PDE1A: variants seen among roughly 807,000 people sequenced by gnomAD.
PDE1A encodes phosphodiesterase 1A.
PDE1A carries 35 observed loss-of-function variants against 61.7 expected under a neutral mutation model. The ratio of observed to expected loss-of-function variants is 0.57; its 90% CI spans 0.43 to 0.75. The LOEUF is 0.75. Among genes scored for constraint, PDE1A ranks in the 30% least tolerant of loss-of-function variants. The pLI, the probability that PDE1A is intolerant of heterozygous loss-of-function variation, is 0.00. For synonymous variants in PDE1A, 232 were observed against 213.2 expected, an observed-to-expected ratio of 1.09 and a Z score of -0.77; for missense variants, 597 against 630.6, an observed-to-expected ratio of 0.95 and a Z score of 0.57.
chr2:182,383,601 A>G (rs551305506), intron 1 of PDE1A, among the ~76,000 whole-genome samples: 2 of 152,350 alleles, frequency 1.3e-5, no homozygotes, highest in East Asian at 3.9e-4. Flanking sequence ...AGGTAGGCAG[A>G]GCAAGATGGC....
chr2:182,658,616 C>A, the PDE1A span, among the ~76,000 whole-genome samples: 1 of 152,130 alleles, frequency 6.6e-6, no homozygotes, highest in African/African-American at 2.4e-5. Context: ...GAGAGACTAA[C>A]CCAAGTAAAG....
chr2:182,459,970 C>A (rs1322018782), intron 2 of PDE1A, among the ~76,000 whole-genome samples: 2 of 152,124 alleles, frequency 1.3e-5, no homozygotes, highest in African/African-American at 4.8e-5. Flanking sequence ...AAATAATCCA[C>A]TTCTTAGCCA....
chr2:182,550,772 G>A, the PDE1A span, among the ~76,000 whole-genome samples: 10 of 152,152 alleles, frequency 6.6e-5, no homozygotes, highest in Non-Finnish European at 7.4e-5. Context: ...CTGGAATCCA[G>A]AATTGTTTCC....
intron 1 of PDE1A, among the ~76,000 whole-genome samples, chr2:182,319,082 T>C (rs1696537934): frequency 6.6e-6 from 1 of 152,182 alleles, no homozygotes; most frequent in Non-Finnish European, 1.5e-5. Flanking sequence ...GTATTGATTT[T>C]CCCATTTCGG....
At chr2:182,223,929 G>C (rs1688937243) in exon 7 of PDE1A, 2 of 1,606,248 alleles carry the variant, frequency 1.2e-6, no homozygotes, top group Non-Finnish European at 1.7e-6. Context: ...CAGCAGCAAA[G>C]ACCATTGCTA....
chr2:182,637,312 C>T, the PDE1A span, among the ~76,000 whole-genome samples: 2 of 152,166 alleles, frequency 1.3e-5, no homozygotes, highest in Non-Finnish European at 2.9e-5. Context: ...CCTAGTTCTA[C>T]CCTTTGGCAG....
At chr2:182,446,517 C>T (rs769680111) in intron 2 of PDE1A, among the ~76,000 whole-genome samples, 2 of 152,054 alleles carry the variant, frequency 1.3e-5, no homozygotes, top group African/African-American at 2.4e-5. Flanking sequence ...ACTAAGTATT[C>T]TGTGTCTAAA....
chr2:182,458,702 C>T (rs1353835346), intron 2 of PDE1A, among the ~76,000 whole-genome samples: 1 of 152,048 alleles, frequency 6.6e-6, no homozygotes, highest in Non-Finnish European at 1.5e-5. Context: ...ATTTTATCAC[C>T]CTGCCTCTGA....
intron 2 of PDE1A, among the ~76,000 whole-genome samples, chr2:182,522,008 C>T (rs1193828448): frequency 2.6e-5 from 4 of 152,058 alleles, no homozygotes; most frequent in South Asian, 2.1e-4. Context: ...AACCACATAT[C>T]TAAACAGCAC....
intron 2 of PDE1A, among the ~76,000 whole-genome samples, chr2:182,246,085 A>G (rs1031262095): frequency 6.6e-6 from 1 of 152,200 alleles, no homozygotes; most frequent in African/African-American, 2.4e-5. Flanking sequence ...AAGTCAGACC[A>G]CAATGCCTTA....
chr2:182,186,103 C>CA (rs1685182027), intron 12 of PDE1A, 24 bp from the exon 13 acceptor site: 2 of 1,601,970 alleles, frequency 1.2e-6, no homozygotes, highest in African/African-American at 2.7e-5. Flanking sequence ...CCAAAGAAAC[C>CA]AAAAAACACC....
At chr2:182,261,877 C>T (rs936807021) in intron 2 of PDE1A, among the ~76,000 whole-genome samples, 15 of 152,122 alleles carry the variant, frequency 9.9e-5, no homozygotes, top group Admixed American at 3.9e-4. Context: ...ATCTTCAAAT[C>T]GTTCTTTGGT....
chr2:182,277,134 T>C (rs1413442908), intron 1 of PDE1A, among the ~76,000 whole-genome samples: 1 of 152,080 alleles, frequency 6.6e-6, no homozygotes, highest in African/African-American at 2.4e-5. Context: ...ATCTTTGTTC[T>C]CCTTTTTTGC....
At chr2:182,443,342 C>T (rs1684914176) in intron 2 of PDE1A, among the ~76,000 whole-genome samples, 1 of 151,976 alleles carries the variant, frequency 6.6e-6, no homozygotes, top group African/African-American at 2.4e-5. Flanking sequence ...TCATAAATCA[C>T]ATATATATAA....
chr2:182,266,903 C>T (rs1018557344), intron 1 of PDE1A, among the ~76,000 whole-genome samples: 5 of 152,120 alleles, frequency 3.3e-5, no homozygotes, highest in Non-Finnish European at 7.4e-5. Flanking sequence ...TGAATGAAAT[C>T]GCCCATCTCT....
intron 1 of PDE1A, among the ~76,000 whole-genome samples, chr2:182,299,860 C>T (rs1574289869): frequency 6.6e-6 from 1 of 152,166 alleles, no homozygotes; most frequent in Admixed American, 6.6e-5. Context: ...GGACCTTGAT[C>T]ATTTCGACAT....
At chr2:182,440,047 A>G (rs773327138) in intron 2 of PDE1A, among the ~76,000 whole-genome samples, 2 of 152,040 alleles carry the variant, frequency 1.3e-5, no homozygotes, top group Non-Finnish European at 2.9e-5. Context: ...TGGTTATGGT[A>G]TACGTAGAAA....
At chr2:182,323,699 T>C (rs1193897430) in intron 1 of PDE1A, among the ~76,000 whole-genome samples, 1 of 152,134 alleles carries the variant, frequency 6.6e-6, no homozygotes, top group Non-Finnish European at 1.5e-5. Flanking sequence ...CTGGCTATCG[T>C]CAATGAATAG....
chr2:182,297,414 G>C (rs1364408435), intron 1 of PDE1A, among the ~76,000 whole-genome samples: 1 of 152,110 alleles, frequency 6.6e-6, no homozygotes, highest in Non-Finnish European at 1.5e-5. Context: ...CCTTGGGCTG[G>C]CCACAAAGAG....
Sources: gnomAD v4.1 joint callset for allele counts (sites outside exome capture counted in the v4.1 genomes callset) on GRCh38, gnomAD v4.1.1 for gene constraint, MANE v1.5 for transcripts, NCBI Gene and HGNC (gene_info 2026-07-23, HGNC 2026-07-21) for gene names.